SKAP1: variants seen among roughly 807,000 people sequenced by gnomAD.
SKAP1 encodes src kinase-associated phosphoprotein 1.
SKAP1 carries 44 observed loss-of-function variants against 58.5 expected under a neutral mutation model. The ratio of observed to expected loss-of-function variants is 0.75; its 90% CI spans 0.59 to 0.97. The LOEUF is 0.97. Among genes scored for constraint, SKAP1 ranks in the 50% least tolerant of loss-of-function variants. The pLI is 0.00. For missense variants in SKAP1, 390 were observed against 435.2 expected (o/e 0.90, Z 0.92); for synonymous variants, 127 against 149.7 (o/e 0.85, Z 1.11).
the SKAP1 span, among the ~76,000 whole-genome samples, chr17:48,439,838 C>T: frequency 1.1e-4 from 16 of 152,192 alleles, no homozygotes; most frequent in Admixed American, 3.9e-4. Context: ...TGTGTTCTTG[C>T]GAGAAAATGC....
chr17:48,171,090 G>GTTGTT (rs1567804071), intron 9 of SKAP1, among the ~76,000 whole-genome samples: 3 of 74,116 alleles, frequency 4.0e-5, no homozygotes, highest in African/African-American at 1.3e-4. Context: ...TTTAATTACT[G>GTTGTT]TTGTTTTTTT....
chr17:48,244,619 T>C (rs1030684267), intron 4 of SKAP1, among the ~76,000 whole-genome samples: 1 of 103,782 alleles, frequency 9.6e-6, no homozygotes, highest in African/African-American at 2.7e-5. Context: ...TAACAAATAG[T>C]TGGGGGAAAG....
chr17:48,193,593 A>G, intron 4 of SKAP1: 1 of 703,824 alleles, frequency 1.4e-6, no homozygotes, highest in Non-Finnish European at 1.7e-6. Context: ...CATTAGCTCC[A>G]TGATCTATCT....
intron 4 of SKAP1, among the ~76,000 whole-genome samples, chr17:48,332,073 T>A (rs1408518863): frequency 1.3e-5 from 2 of 152,130 alleles, no homozygotes; most frequent in Non-Finnish European, 2.9e-5. Flanking sequence ...TTTTAAAAAC[T>A]ACCTCATGAT....
chr17:48,440,088 CT>C, the SKAP1 span, among the ~76,000 whole-genome samples: 1 of 152,216 alleles, frequency 6.6e-6, no homozygotes, highest in African/African-American at 2.4e-5. Context: ...GCAATGCGGC[CT>C]GCGACTTTGC....
intron 4 of SKAP1, among the ~76,000 whole-genome samples, chr17:48,287,814 C>T (rs1017523605): frequency 1.3e-5 from 2 of 152,116 alleles, no homozygotes; most frequent in African/African-American, 2.4e-5. Flanking sequence ...TATATACAAA[C>T]GCAAGTGGAA....
chr17:48,338,316 A>G (rs902090827), intron 4 of SKAP1, among the ~76,000 whole-genome samples: 1 of 151,576 alleles, frequency 6.6e-6, no homozygotes, highest in Non-Finnish European at 1.5e-5. Context: ...CGCCAAGCTA[A>G]TTTTTTCATA....
intron 4 of SKAP1, among the ~76,000 whole-genome samples, chr17:48,220,338 G>A (rs148835359): frequency 1.0e-3 from 156 of 152,198 alleles, no homozygotes; most frequent in African/African-American, 3.6e-3. Context: ...AATGAATAAA[G>A]GAAATACTAT....
At chr17:48,324,941 T>C (rs992943165) in intron 4 of SKAP1, among the ~76,000 whole-genome samples, 1 of 151,994 alleles carries the variant, frequency 6.6e-6, no homozygotes, top group Non-Finnish European at 1.5e-5. Flanking sequence ...TTTCTATTGC[T>C]CTTTTAAGAC....
intron 1 of SKAP1, among the ~76,000 whole-genome samples, chr17:48,419,471 C>T (rs1201371602): frequency 1.3e-5 from 2 of 152,092 alleles, no homozygotes; most frequent in South Asian, 2.1e-4. Flanking sequence ...TTACTAGAGA[C>T]GAGGTTTCAC....
chr17:48,419,078 T>C (rs2067764646), intron 1 of SKAP1, among the ~76,000 whole-genome samples: 1 of 146,934 alleles, frequency 6.8e-6, no homozygotes, highest in South Asian at 2.2e-4. Flanking sequence ...GGGAGAAAAA[T>C]GGATGGAAGG....
intron 4 of SKAP1, among the ~76,000 whole-genome samples, chr17:48,298,236 T>C (rs944875350): frequency 3.9e-5 from 6 of 152,234 alleles, no homozygotes; most frequent in African/African-American, 1.4e-4. Flanking sequence ...ATAAAGAACC[T>C]GTCACATTAG....
At chr17:48,285,357 C>G (rs1158697551) in intron 4 of SKAP1, among the ~76,000 whole-genome samples, 1 of 152,192 alleles carries the variant, frequency 6.6e-6, no homozygotes, top group African/African-American at 2.4e-5. Context: ...TGGCTCATGC[C>G]TGTAGTCCCA....
intron 4 of SKAP1, among the ~76,000 whole-genome samples, chr17:48,310,043 G>A (rs1329308178): frequency 6.6e-6 from 1 of 152,198 alleles, no homozygotes; most frequent in African/African-American, 2.4e-5. Flanking sequence ...TTTCCATTCT[G>A]AGCAATATGG....
upstream of SKAP1, among the ~76,000 whole-genome samples, chr17:48,433,270 G>C (rs1050679391): frequency 3.9e-5 from 6 of 152,188 alleles, no homozygotes; most frequent in Non-Finnish European, 8.8e-5. Context: ...TCTTAGAGGA[G>C]GTGAAGAGAG....
In SKAP1 at chr17:48,234,669, T is replaced by C. The variant is rs1329109717; in HGVS notation, c.281-45169A>G. ...ATGTCAGGTAATGTTCTGAGATCTG[T>C]GGGGGTACCAAAATAAATAAGAAAT... On this transcript the variant is annotated intron_variant, in intron 4 of 12. Coordinates refer to ENST00000336915, the MANE Select transcript of SKAP1 (RefSeq NM_003726.4). 2.0e-5 allele frequency among the ~76,000 whole-genome samples: 3 copies of C among 152,278 alleles called. No individual in the cohort carries two copies. The East Asian group carries it at 5.8e-4, about 29-fold the overall frequency.
intron 4 of SKAP1, among the ~76,000 whole-genome samples, chr17:48,198,227 G>A (rs1389495494): frequency 6.6e-6 from 1 of 151,906 alleles, no homozygotes; most frequent in African/African-American, 2.4e-5. Flanking sequence ...AGGCCGAGAC[G>A]GGCGGATCAC....
chr17:48,325,865 G>T (rs961541370), intron 4 of SKAP1, among the ~76,000 whole-genome samples: 1 of 152,136 alleles, frequency 6.6e-6, no homozygotes, highest in Non-Finnish European at 1.5e-5. Context: ...TCCAGACTTT[G>T]ACCTTCTTCT....
chr17:48,289,688 T>C (rs975130967), intron 4 of SKAP1, among the ~76,000 whole-genome samples: 3 of 151,948 alleles, frequency 2.0e-5, no homozygotes, highest in Non-Finnish European at 4.4e-5. Context: ...AAAAAAGAAA[T>C]ATTAGCCCTA....
Sources: gnomAD v4.1 joint callset for allele counts (sites outside exome capture counted in the v4.1 genomes callset) on GRCh38, gnomAD v4.1.1 for gene constraint, MANE v1.5 for transcripts, NCBI Gene and HGNC (gene_info 2026-07-23, HGNC 2026-07-21) for gene names.